Variants in ARHGAP20 observed in about 807,000 individuals in gnomAD.
ARHGAP20 encodes rho GTPase-activating protein 20.
ARHGAP20 carries 34 observed loss-of-function variants against 73.7 expected under a neutral mutation model. The ratio of observed to expected loss-of-function variants is 0.46; its 90% CI spans 0.35 to 0.61. The LOEUF is 0.61. ARHGAP20 is among the 20% of genes least tolerant of loss of function. ARHGAP20 has a pLI of 0.00. For synonymous variants in ARHGAP20, 523 were observed against 518.2 expected (o/e 1.01, Z -0.13); for missense variants, 1,314 against 1,420.9 (o/e 0.92, Z 1.21).
At chr11:110,661,810 T>C (rs986300457) in intron 2 of ARHGAP20, among the ~76,000 whole-genome samples, 2 of 152,066 alleles carry the variant, frequency 1.3e-5, no homozygotes, top group East Asian at 3.8e-4. Flanking sequence ...ATGGGAATGG[T>C]ACAACCCTTA....
intron 10 of ARHGAP20, among the ~76,000 whole-genome samples, chr11:110,591,031 G>A (rs913212961): frequency 6.6e-6 from 1 of 151,928 alleles, no homozygotes; most frequent in African/African-American, 2.4e-5. Context: ...GGGAGATGTT[G>A]GTCAAAGGAT....
At chr11:110,639,249 A>C (rs949077091) in intron 2 of ARHGAP20, among the ~76,000 whole-genome samples, 48 of 145,022 alleles carry the variant, frequency 3.3e-4, no homozygotes, top group African/African-American at 1.1e-3. Context: ...CCCCCCCCCC[A>C]CAAGAGTTTT....
At chr11:110,708,179 A>G (rs1950583675) in intron 1 of ARHGAP20, among the ~76,000 whole-genome samples, 1 of 152,176 alleles carries the variant, frequency 6.6e-6, no homozygotes, top group African/African-American at 2.4e-5. Flanking sequence ...ATCATTGAGG[A>G]AATGCAAATC....
At chr11:110,708,108 C>T (rs1182400499) in intron 1 of ARHGAP20, among the ~76,000 whole-genome samples, 1 of 152,068 alleles carries the variant, frequency 6.6e-6, no homozygotes, top group African/African-American at 2.4e-5. Flanking sequence ...TATTTAGACA[C>T]TTCACCAAAG....
chr11:110,650,808 A>T (rs918500431), intron 2 of ARHGAP20, among the ~76,000 whole-genome samples: 4 of 152,172 alleles, frequency 2.6e-5, no homozygotes, highest in African/African-American at 7.2e-5. Context: ...GCCCATGCTA[A>T]CAGACTCTAA....
chr11:110,676,614 TGTG>T (rs1949935346), intron 2 of ARHGAP20, among the ~76,000 whole-genome samples: 1 of 152,188 alleles, frequency 6.6e-6, no homozygotes, highest in Non-Finnish European at 1.5e-5. Flanking sequence ...TAAGATGAGA[TGTG>T]GGTGGGGAAA....
At chr11:110,636,014 C>G (rs544169159) in intron 2 of ARHGAP20, among the ~76,000 whole-genome samples, 2 of 152,016 alleles carry the variant, frequency 1.3e-5, no homozygotes, top group South Asian at 4.1e-4. Context: ...GAAAACTTTG[C>G]AAGAGGAAAA....
chr11:110,704,141 C>G (rs569617782), intron 1 of ARHGAP20, among the ~76,000 whole-genome samples: 5 of 152,156 alleles, frequency 3.3e-5, no homozygotes, highest in Admixed American at 6.5e-5. Context: ...AGCAGATCCA[C>G]GTCTATCTAG....
intron 2 of ARHGAP20, among the ~76,000 whole-genome samples, chr11:110,634,656 A>C (rs112728099): frequency 2.5e-4 from 38 of 152,202 alleles, no homozygotes; most frequent in African/African-American, 8.7e-4. Flanking sequence ...TTAGTTTCCT[A>C]TATGTAAAGT....
chr11:110,679,615 C>T (rs897627067), intron 2 of ARHGAP20, among the ~76,000 whole-genome samples: 1 of 152,094 alleles, frequency 6.6e-6, no homozygotes, highest in African/African-American at 2.4e-5. Flanking sequence ...AATAATGAAA[C>T]ACAAAACTGT....
intron 2 of ARHGAP20, among the ~76,000 whole-genome samples, chr11:110,654,727 G>A (rs1949428411): frequency 6.6e-6 from 1 of 152,184 alleles, no homozygotes; most frequent in Non-Finnish European, 1.5e-5. Context: ...TTATTGCAAT[G>A]CTATAAGGTC....
intron 2 of ARHGAP20, among the ~76,000 whole-genome samples, chr11:110,684,207 G>C (rs1163142631): frequency 1.3e-5 from 2 of 152,186 alleles, no homozygotes; most frequent in Non-Finnish European, 2.9e-5. Flanking sequence ...GAGAAGGCTA[G>C]AGAGTATGAT....
chr11:110,673,165 C>G (rs1167964828), intron 2 of ARHGAP20, among the ~76,000 whole-genome samples: 2 of 152,020 alleles, frequency 1.3e-5, no homozygotes. Flanking sequence ...AAAGGTATAA[C>G]ACACCAAAAG....
chr11:110,671,576 G>T (rs962563120), intron 2 of ARHGAP20, among the ~76,000 whole-genome samples: 8 of 152,112 alleles, frequency 5.3e-5, no homozygotes, highest in Admixed American at 5.2e-4. Context: ...CAAAGGGAAT[G>T]AATGTGTATG....
chr11:110,637,976 G>A (rs186263422), intron 2 of ARHGAP20, among the ~76,000 whole-genome samples: 25 of 152,010 alleles, frequency 1.6e-4, no homozygotes, highest in Admixed American at 1.5e-3. Context: ...ATGAGAAAGG[G>A]GTACAGTCAT....
At chr11:110,671,274 A>G (rs1639178532) in intron 2 of ARHGAP20, among the ~76,000 whole-genome samples, 1 of 152,062 alleles carries the variant, frequency 6.6e-6, no homozygotes, top group Non-Finnish European at 1.5e-5. Context: ...TGCAGAAAAA[A>G]GCATCTGATG....
At chr11:110,687,039 T>C (rs1056497624) in intron 2 of ARHGAP20, among the ~76,000 whole-genome samples, 2 of 117,020 alleles carry the variant, frequency 1.7e-5, no homozygotes, top group East Asian at 2.5e-4. Flanking sequence ...TTAAAACATA[T>C]ATATATATAT....
intron 1 of ARHGAP20, among the ~76,000 whole-genome samples, chr11:110,700,180 G>T (rs975783669): frequency 6.6e-6 from 1 of 151,916 alleles, no homozygotes; most frequent in Admixed American, 6.6e-5. Context: ...AAAGATTAAA[G>T]TTGGAGGTGA....
intron 2 of ARHGAP20, among the ~76,000 whole-genome samples, chr11:110,687,531 T>C (rs1262304578): frequency 6.6e-6 from 1 of 152,120 alleles, no homozygotes; most frequent in African/African-American, 2.4e-5. Context: ...CAATGAGAAG[T>C]GGCATTTTTC....
Sources: gnomAD v4.1 joint callset for allele counts (sites outside exome capture counted in the v4.1 genomes callset) on GRCh38, gnomAD v4.1.1 for gene constraint, MANE v1.5 for transcripts, NCBI Gene and HGNC (gene_info 2026-07-23, HGNC 2026-07-21) for gene names.